Variants in MGST1 observed in about 807,000 individuals in gnomAD.
The protein encoded by MGST1 is microsomal glutathione S-transferase 1.
A neutral mutation model predicts 8.9 loss-of-function variants in MGST1; 5 were observed. The ratio of observed to expected loss-of-function variants is 0.56; its 90% CI spans 0.29 to 1.19. MGST1 has a LOEUF of 1.19. MGST1 is among the 50% of genes most tolerant of loss of function. The pLI, the probability that MGST1 is intolerant of heterozygous loss-of-function variation, is 0.08. For synonymous variants in MGST1, 54 were observed against 67.8 expected (o/e 0.80, Z 1.00); for missense variants, 182 against 187.4 (o/e 0.97, Z 0.17).
chr12:16,408,067 C>G (rs1265644767), intron 1 of MGST1, among the ~76,000 whole-genome samples: 1 of 119,968 alleles, frequency 8.3e-6, no homozygotes, highest in East Asian at 2.9e-4. Context: ...AAGACAGGAA[C>G]ATGGATAGAG....
In MGST1 at chr12:16,453,635, C is replaced by T. The variant is rs1472672899; in HGVS notation, n.482+70031C>T. Among the ~76,000 whole-genome samples, 6 of 151,882 alleles carry T rather than the reference C, an allele frequency of 4.0e-5. No homozygotes were observed. In the East Asian group the frequency reaches 7.8e-4, roughly 20 times the overall value. ...AGTTCTGGAAGATAAATGTCGGGATCAAGGTGTTGACAGAACTGGTTTCTT... is the reference window on the plus strand; with the variant it reads ...AGTTCTGGAAGATAAATGTCGGGATTAAGGTGTTGACAGAACTGGTTTCTT... On this transcript the variant is annotated intron_variant and non_coding_transcript_variant, in intron 4 of 4. Transcript: ENST00000538857.
chr12:16,445,369 T>A (rs1274573265), intron 4 of MGST1, among the ~76,000 whole-genome samples: 1 of 151,906 alleles, frequency 6.6e-6, no homozygotes, highest in African/African-American at 2.4e-5. Flanking sequence ...CTTGAAGATA[T>A]AATTTATCTT....
intron 4 of MGST1, among the ~76,000 whole-genome samples, chr12:16,459,071 T>A (rs1335689074): frequency 6.6e-6 from 1 of 152,138 alleles, no homozygotes; most frequent in Non-Finnish European, 1.5e-5. Flanking sequence ...AACTTTATGA[T>A]AGACAGGACA....
At chr12:16,533,086 T>C (rs938537134) in intron 4 of MGST1, among the ~76,000 whole-genome samples, 1 of 152,216 alleles carries the variant, frequency 6.6e-6, no homozygotes, top group Non-Finnish European at 1.5e-5. Flanking sequence ...TGAGTTGAGC[T>C]GACTATACTT....
chr12:16,411,725 G>T (rs905273168), intron 1 of MGST1, among the ~76,000 whole-genome samples: 2 of 152,140 alleles, frequency 1.3e-5, no homozygotes, highest in African/African-American at 4.8e-5. Context: ...CTTATCTCAT[G>T]ATGTATTCTC....
At chr12:16,371,571 T>C (rs1305743666) in intron 3 of MGST1, among the ~76,000 whole-genome samples, 3 of 152,096 alleles carry the variant, frequency 2.0e-5, no homozygotes, top group Admixed American at 2.0e-4. Context: ...AATGAACATT[T>C]GCAATCAATT....
intron 4 of MGST1, among the ~76,000 whole-genome samples, chr12:16,570,229 A>G (rs1158550496): frequency 1.3e-5 from 2 of 152,144 alleles, no homozygotes; most frequent in African/African-American, 4.8e-5. Context: ...GAAACTTTTT[A>G]TGTAAGTAAT....
At chr12:16,376,182 C>T in exon 4 of MGST1, 2 of 966,042 alleles carry the variant, frequency 2.1e-6, no homozygotes, top group Non-Finnish European at 3.1e-6. Flanking sequence ...CTCGGCATAA[C>T]CAATTGCTGA....
intron 3 of MGST1, chr12:16,360,480 A>C: frequency 1.9e-6 from 1 of 533,746 alleles, no homozygotes. Context: ...TGTGACTTAA[A>C]GTCAGTTATT....
rs555818055 is a variant in MGST1 at position 16,361,508 on chromosome 12, G to T, written c.222-2287G>T. ...TAGAAAGTGGACTCTTAGGAAGACT[G>T]ATGTCCACCTGGTGATAGATTTTGG... On this transcript the variant is annotated intron_variant, in intron 3 of 3. Coordinates refer to ENST00000396210, the MANE Select transcript of MGST1 (RefSeq NM_020300.5). The surrounding 1 kb of genome is among the most constrained non-coding windows in gnomAD (Gnocchi z 4.2). Among the ~76,000 whole-genome samples the T allele has an allele frequency of 5.9e-5, 9 of 152,322 alleles. No homozygotes were observed. Among genetic ancestry groups the T allele is most frequent in the South Asian group, 4.1e-4 (2 of 4,834 alleles).
chr12:16,374,008 T>C (rs1228075307), intron 3 of MGST1, among the ~76,000 whole-genome samples: 2 of 152,138 alleles, frequency 1.3e-5, no homozygotes, highest in Non-Finnish European at 2.9e-5. Context: ...GTGATGGAAA[T>C]TGAGGTTTTA....
chr12:16,551,190 C>A, intron 4 of MGST1: 1 of 1,307,498 alleles, frequency 7.6e-7, no homozygotes, highest in South Asian at 1.2e-5. Context: ...GAATGTAGTG[C>A]TTTGTATTCT....
At chr12:16,579,033 T>C (rs1428708394) in intron 4 of MGST1, among the ~76,000 whole-genome samples, 1 of 152,292 alleles carries the variant, frequency 6.6e-6, no homozygotes, top group African/African-American at 2.4e-5. Context: ...GACTGTATCA[T>C]TGCAAATAGG....
intron 1 of MGST1, chr12:16,402,513 T>G (rs1940666655): frequency 5.5e-6 from 6 of 1,095,344 alleles, no homozygotes; most frequent in Non-Finnish European, 8.1e-6. Flanking sequence ...GCACTCTTAT[T>G]CTTGGTTAGA....
chr12:16,365,686 G>A (rs9332954), downstream of MGST1, among the ~76,000 whole-genome samples: 3,372 of 152,252 alleles, frequency 0.022, 116 homozygotes, highest in African/African-American at 0.077. Context: ...GCTCAGGAGG[G>A]AAAAGTCCGA....
rs149709082 is a variant in MGST1, at chr12:16,371,719, T to C, written c.222-4403T>C. 6.1e-3 allele frequency among the ~76,000 whole-genome samples: 934 copies of C among 152,236 alleles called. 12 individuals carry two copies. The highest frequency in any genetic ancestry group is 0.021 in the African/African-American group (874 of 41,572). ...CATTATTGTTATCTTTTGAAGATCA[T>C]CAGCTAAAAAATATGGAAATTTGTT... On this transcript the variant is annotated intron_variant, in intron 3 of 3. Transcript: ENST00000535309.
chr12:16,556,573 C>T lies in MGST1; in HGVS notation n.483-32955C>T, dbSNP rs117188262. ...AAACGCGTAATTCCACAACTTTAGA[C>T]GTCAATAAAGTTTGCTTAAGAGAAA... On this transcript the variant is annotated intron_variant and non_coding_transcript_variant, in intron 4 of 4. Coordinates refer to the MGST1 transcript ENST00000538857. Among the ~76,000 whole-genome samples, 23 of 152,260 alleles carry T rather than the reference C, an allele frequency of 1.5e-4. No individual in the cohort carries two copies. The East Asian group carries it at 3.5e-3, about 23-fold the overall frequency.
At position 16,544,873 on chromosome 12, in the gene MGST1, A is replaced by T. The variant is rs1941814403; in HGVS notation, n.483-44655A>T. Among the ~76,000 whole-genome samples the T allele has an allele frequency of 6.6e-6, 1 of 152,086 alleles. No homozygotes were observed. The highest frequency in any genetic ancestry group is 1.5e-5 in the Non-Finnish European group (1 of 67,960). On this transcript the variant is annotated intron_variant and non_coding_transcript_variant, in intron 4 of 4. Transcript: ENST00000538857. This position sits in a 1 kb window ranked among gnomAD's most constrained non-coding sequence, Gnocchi z 4.8. The stretch of plus-strand genomic sequence containing the variant: ...GGCTAACTTGATGTGCACTGGCTGA[A>T]GTTTGCATCATTTTGGACAGCATAG...
intron 1 of MGST1, among the ~76,000 whole-genome samples, chr12:16,431,338 C>T (rs1940938431): frequency 6.6e-6 from 1 of 152,166 alleles, no homozygotes; most frequent in Admixed American, 6.6e-5. Context: ...TTTTCGTTTG[C>T]ATTCACACCT....
Sources: allele counts gnomAD v4.1 joint callset (sites outside exome capture counted in the v4.1 genomes callset), GRCh38; gene constraint gnomAD v4.1.1; non-coding constraint Gnocchi (gnomAD v3.1); transcripts MANE v1.5; gene names NCBI Gene and HGNC (gene_info 2026-07-23, HGNC 2026-07-21).